The following INPP4B variants were observed in gnomAD, a reference collection of about 807,000 sequenced individuals.
The protein encoded by INPP4B is inositol polyphosphate-4-phosphatase type II B, also known as inositol polyphosphate 4-phosphatase type II.
INPP4B carries 55 observed loss-of-function variants against 122.5 expected under a neutral mutation model. The ratio of observed to expected loss-of-function variants is 0.45; its 90% CI spans 0.36 to 0.56. INPP4B has a LOEUF of 0.56. INPP4B is among the 20% of genes least tolerant of loss of function. INPP4B has a pLI of 0.00. For synonymous variants in INPP4B, 403 were observed against 388.7 expected (o/e 1.04, Z -0.43); for missense variants, 1,000 against 1,097.7 (o/e 0.91, Z 1.26).
At chr4:142,717,579 T>G (rs1267133725) in intron 2 of INPP4B, among the ~76,000 whole-genome samples, 1 of 152,180 alleles carries the variant, frequency 6.6e-6, no homozygotes, top group African/African-American at 2.4e-5. Flanking sequence ...GATTAGTTCT[T>G]GTCCTTTGCA....
chr4:142,617,625 T>C (rs1196752846), intron 2 of INPP4B, among the ~76,000 whole-genome samples: 1 of 152,024 alleles, frequency 6.6e-6, no homozygotes, highest in East Asian at 1.9e-4. Flanking sequence ...CCGTGAGCAA[T>C]AAACAACGAG....
chr4:142,535,176 T>C (rs559085781), intron 2 of INPP4B, among the ~76,000 whole-genome samples: 1 of 152,266 alleles, frequency 6.6e-6, no homozygotes, highest in East Asian at 1.9e-4. Flanking sequence ...TCAACAAAAG[T>C]CCCTGAGCAT....
intron 23 of INPP4B, among the ~76,000 whole-genome samples, chr4:142,105,527 A>C (rs2152673008): frequency 6.6e-6 from 1 of 152,318 alleles, no homozygotes; most frequent in East Asian, 1.9e-4. Context: ...AGAAGAGTAA[A>C]AAGATGAGAG....
At chr4:142,565,096 C>T (rs1274414877) in intron 2 of INPP4B, among the ~76,000 whole-genome samples, 2 of 152,002 alleles carry the variant, frequency 1.3e-5, no homozygotes, top group African/African-American at 2.4e-5. Flanking sequence ...ATGACCTTGA[C>T]GATTTTCATG....
intron 1 of INPP4B, among the ~76,000 whole-genome samples, chr4:142,834,626 C>T (rs1262460001): frequency 6.6e-6 from 1 of 152,062 alleles, no homozygotes; most frequent in Admixed American, 6.6e-5. Context: ...TTTTTGTAGA[C>T]CAATGTGTTG....
chr4:142,097,225 T>TTTTATGTTATTTTATTTTATTTTA (rs70949153), intron 23 of INPP4B, among the ~76,000 whole-genome samples: 1 of 135,488 alleles, frequency 7.4e-6, no homozygotes, highest in Non-Finnish European at 1.6e-5. Context: ...TTTTATGTTA[T>TTTTATGTTATTTTATTTTATTTTA]TTTTATTTTA....
chr4:142,111,220 T>C (rs1399574857), intron 22 of INPP4B, among the ~76,000 whole-genome samples: 2 of 152,130 alleles, frequency 1.3e-5, no homozygotes, highest in African/African-American at 4.8e-5. Context: ...GCATGTTAAA[T>C]ATTATAATAC....
intron 18 of INPP4B, among the ~76,000 whole-genome samples, chr4:142,137,087 A>T (rs1804796131): frequency 2.0e-5 from 3 of 152,226 alleles, no homozygotes; most frequent in Admixed American, 2.0e-4. Flanking sequence ...GTCAATCCTA[A>T]GCCAAAAGAA....
chr4:142,205,613 T>C (rs2149489162), intron 14 of INPP4B, among the ~76,000 whole-genome samples: 1 of 152,222 alleles, frequency 6.6e-6, no homozygotes, highest in East Asian at 1.9e-4. Context: ...TTCTATGTGT[T>C]TTACATACCC....
At chr4:142,498,302 T>C (rs993281542) in intron 2 of INPP4B, among the ~76,000 whole-genome samples, 4 of 151,824 alleles carry the variant, frequency 2.6e-5, no homozygotes, top group Admixed American at 1.3e-4. Flanking sequence ...AAGCAACACA[T>C]GATCACAACT....
chr4:142,469,464 T>C (rs1012191921), intron 2 of INPP4B, among the ~76,000 whole-genome samples: 1 of 152,122 alleles, frequency 6.6e-6, no homozygotes, highest in Non-Finnish European at 1.5e-5. Context: ...ATAATTCCAA[T>C]GAAAATTCTA....
intron 14 of INPP4B, among the ~76,000 whole-genome samples, chr4:142,194,571 T>G (rs893086664): frequency 6.6e-6 from 1 of 152,182 alleles, no homozygotes; most frequent in Admixed American, 6.6e-5. Context: ...TGAGGATCAC[T>G]ACAAGCTAAC....
chr4:142,704,883 A>G (rs952777388), intron 2 of INPP4B, among the ~76,000 whole-genome samples: 5 of 152,136 alleles, frequency 3.3e-5, no homozygotes, highest in Non-Finnish European at 5.9e-5. Flanking sequence ...CCTTCATGTC[A>G]CAGTAATCTG....
chr4:142,688,508 C>G (rs959662870), intron 2 of INPP4B, among the ~76,000 whole-genome samples: 2 of 152,126 alleles, frequency 1.3e-5, no homozygotes, highest in African/African-American at 4.8e-5. Context: ...TGCCCTGAAG[C>G]CTTCTTGAAA....
intron 7 of INPP4B, among the ~76,000 whole-genome samples, chr4:142,369,640 A>C (rs2148677804): frequency 6.6e-6 from 1 of 151,018 alleles, no homozygotes; most frequent in African/African-American, 2.4e-5. Flanking sequence ...AAAAAAAATA[A>C]AAAAGGCTGG....
chr4:142,246,482 TTTG>T (rs1359236448), intron 11 of INPP4B, among the ~76,000 whole-genome samples: 1 of 152,148 alleles, frequency 6.6e-6, no homozygotes, highest in East Asian at 1.9e-4. Context: ...TCAGCAGTGG[TTTG>T]TAGTTCTCCT....
At chr4:142,563,624 C>G (rs1730931245) in intron 2 of INPP4B, among the ~76,000 whole-genome samples, 1 of 152,178 alleles carries the variant, frequency 6.6e-6, no homozygotes, top group Non-Finnish European at 1.5e-5. Context: ...TATCTCCAAT[C>G]AAGAACTTGA....
intron 15 of INPP4B, among the ~76,000 whole-genome samples, chr4:142,184,371 T>C (rs74857044): frequency 3.2e-3 from 484 of 152,334 alleles, no homozygotes; most frequent in Non-Finnish European, 6.1e-3. Flanking sequence ...ACTAATGTTA[T>C]ACCTGCCAAA....
In INPP4B at chr4:142,024,347, A is replaced by G. The variant is rs1457823783; in HGVS notation, c.*4435T>C. ...ATTGCTGCTGGGTTAAATGAATATGAATTCACACTAAAATTGTCAATCAGC... is the reference window on the plus strand; with the variant it reads ...ATTGCTGCTGGGTTAAATGAATATGGATTCACACTAAAATTGTCAATCAGC... On this transcript the variant is annotated 3_prime_UTR_variant, in exon 26 of 26. Transcript: ENST00000262992. 1 of 152,128 alleles carries G rather than the reference A, an allele frequency of 6.6e-6. No individual in the cohort carries two copies. Among genetic ancestry groups the G allele is most frequent in the Admixed American group, 6.5e-5 (1 of 15,276 alleles). The allele number at this position is 152,128 out of a possible 1,614,324, so 9.4% of individuals were successfully genotyped here. A position where few individuals can be genotyped will look rare whatever the true frequency, so the allele number is the denominator to read the frequency against.
Sources: allele counts gnomAD v4.1 joint callset (sites outside exome capture counted in the v4.1 genomes callset), GRCh38; gene constraint gnomAD v4.1.1; transcripts MANE v1.5; gene names NCBI Gene and HGNC (gene_info 2026-07-23, HGNC 2026-07-21).